PPP1R16A: variants seen among roughly 807,000 people sequenced by gnomAD.
PPP1R16A encodes myosin phosphatase-targeting subunit 3.
A neutral mutation model predicts 46.6 loss-of-function variants in PPP1R16A; 39 were observed. That is an observed-to-expected ratio of 0.84 (90% CI 0.65 to 1.09). The LOEUF (loss-of-function observed/expected upper bound fraction) is 1.09. Among genes scored for constraint, PPP1R16A ranks in the 50% least tolerant of loss-of-function variants. The probability of loss-of-function intolerance (pLI) is 0.00; values close to 1 mark genes in which losing one functional copy is unlikely to be tolerated. For synonymous variants in PPP1R16A, 413 were observed against 321.5 expected (o/e 1.28, Z -3.04); for missense variants, 798 against 735.6 (o/e 1.08, Z -0.98).
chr8:144,484,902 G>A (rs1825579361), intron 1 of PPP1R16A, among the ~76,000 whole-genome samples: 2 of 152,170 alleles, frequency 1.3e-5, no homozygotes, highest in South Asian at 2.1e-4. Flanking sequence ...AAAAAATAGT[G>A]GAATAGTTTC....
At chr8:144,494,282 T>C (rs1825947237) in intron 2 of PPP1R16A, among the ~76,000 whole-genome samples, 1 of 151,532 alleles carries the variant, frequency 6.6e-6, no homozygotes, top group African/African-American at 2.4e-5. Context: ...GATCTTTTGT[T>C]CTGTAAGATG....
chr8:144,480,446 C>T (rs1231974474), intron 1 of PPP1R16A, among the ~76,000 whole-genome samples: 2 of 152,122 alleles, frequency 1.3e-5, no homozygotes, highest in Non-Finnish European at 2.9e-5. Flanking sequence ...TCCCCAGTAG[C>T]TGGGATTACA....
chr8:144,488,133 T>C (rs1303935746), intron 1 of PPP1R16A, among the ~76,000 whole-genome samples: 1 of 152,128 alleles, frequency 6.6e-6, no homozygotes, highest in Non-Finnish European at 1.5e-5. Flanking sequence ...CCAGGGAATT[T>C]GCTTTGGGAG....
chr8:144,500,927 G>C lies in PPP1R16A; in HGVS notation c.993G>C (p.Gln331His), dbSNP rs1208924267. ...CCCTCCTGCGCGCCCAGAGCCGCCAGCGCTCCTTGCTGCGCCGCCGCACCT... is the reference window on the plus strand; with the variant it reads ...CCCTCCTGCGCGCCCAGAGCCGCCACCGCTCCTTGCTGCGCCGCCGCACCT... ...HDALLRAQSR[Q>H]RSLLRRRTSS... Residue 331 changes from glutamine to histidine, a missense_variant, in exon 10 of 12, where the codon CAG (glutamine) becomes CAC (histidine). Coordinates refer to ENST00000435887, the MANE Select transcript of PPP1R16A (RefSeq NM_001329443.2). 6.6e-7 allele frequency: 1 copy of C among 1,523,928 alleles called. No homozygotes were observed. Among genetic ancestry groups the C allele is most frequent in the Non-Finnish European group, 8.8e-7 (1 of 1,139,994 alleles). 94.4% of individuals were successfully genotyped at this position (1,523,928 alleles called of 1,614,324 possible).
chr8:144,501,432 C>T (rs1302006535), intron 11 of PPP1R16A, 88 bp from the exon 12 acceptor site: 12 of 1,480,474 alleles, frequency 8.1e-6, no homozygotes, highest in Middle Eastern at 3.7e-4. Context: ...TCTCTCCTGT[C>T]TGTCCCTTCA....
At chr8:144,482,847 C>T (rs895743013) in intron 1 of PPP1R16A, among the ~76,000 whole-genome samples, 26 of 152,128 alleles carry the variant, frequency 1.7e-4, no homozygotes, top group African/African-American at 5.1e-4. Flanking sequence ...CGGGTTTCAC[C>T]ATGTTGGCCA....
At position 144,501,781 on chromosome 8, in the gene PPP1R16A, G is replaced by A; in HGVS notation, c.1465G>A (p.Asp489Asn). ...GACAGCTGAGCCTGGCCTGCCTGGT[G>A]ACACGGTGACCCCCCAGCCTGACTG... ...PETAEPGLPG[D>N]TVTPQPDCGF... The change falls in exon 12 of 12, where the codon GAC (aspartate) becomes AAC (asparagine). Residue 489 changes from aspartate to asparagine, a missense_variant. Coordinates refer to ENST00000435887, the MANE Select transcript of PPP1R16A (RefSeq NM_001329443.2). 1 of 1,561,398 alleles carries A rather than the reference G, an allele frequency of 6.4e-7. No homozygotes were observed. The highest frequency in any genetic ancestry group is 8.7e-7 in the Non-Finnish European group (1 of 1,153,798).
At chr8:144,492,556 C>T (rs964295086) in intron 2 of PPP1R16A, among the ~76,000 whole-genome samples, 4 of 152,072 alleles carry the variant, frequency 2.6e-5, no homozygotes, top group African/African-American at 9.7e-5. Flanking sequence ...AGGATGGTCT[C>T]GATCTCCTGA....
At chr8:144,492,736 T>A (rs1825869353) in intron 2 of PPP1R16A, among the ~76,000 whole-genome samples, 1 of 152,162 alleles carries the variant, frequency 6.6e-6, no homozygotes, top group African/African-American at 2.4e-5. Context: ...GCTCCGCCTG[T>A]AGAAGCAAGT....
At chr8:144,481,426 T>C (rs1030860926) in intron 1 of PPP1R16A, among the ~76,000 whole-genome samples, 2 of 151,648 alleles carry the variant, frequency 1.3e-5, no homozygotes, top group Non-Finnish European at 2.9e-5. Flanking sequence ...GTGGATCATC[T>C]GAGGTTGGGA....
At chr8:144,498,109 C>T (rs752561163) in intron 3 of PPP1R16A, 37 of 455,928 alleles carry the variant, frequency 8.1e-5, no homozygotes, top group Admixed American at 7.7e-4. Context: ...AAAGAGGAGC[C>T]GGCAGTGTCT....
chr8:144,499,476 G>A (rs372173517), intron 5 of PPP1R16A: 84 of 205,318 alleles, frequency 4.1e-4, no homozygotes, highest in African/African-American at 1.9e-3. Flanking sequence ...GGAACTCTGA[G>A]CAGGGAGGGT....
intron 1 of PPP1R16A, among the ~76,000 whole-genome samples, chr8:144,486,766 G>A (rs114396798): frequency 1.1e-3 from 171 of 152,212 alleles, no homozygotes; most frequent in African/African-American, 3.9e-3. Context: ...TTTGTTCTGT[G>A]TGTGGTCTGT....
At chr8:144,491,791 G>A (rs1048892002) in intron 2 of PPP1R16A, among the ~76,000 whole-genome samples, 1 of 151,412 alleles carries the variant, frequency 6.6e-6, no homozygotes, top group African/African-American at 2.4e-5. Context: ...AGTTAGCCGG[G>A]TGTGGTGGTG....
rs891713442 is a variant in PPP1R16A, at chr8:144,477,990, C to T, written c.-1051C>T. ...CACCGCGGCTTCCGGCTATGGGTAC[C>T]GCGGGCCGGAAGTGTAGCGTTGCCA... On this transcript the variant is annotated 5_prime_UTR_variant, in exon 1 of 12. Coordinates refer to ENST00000435887, the MANE Select transcript of PPP1R16A (RefSeq NM_001329443.2). The T allele has an allele frequency of 2.5e-6, 1 of 392,902 alleles. No individual in the cohort carries two copies. The highest frequency in any genetic ancestry group is 2.1e-5 in the African/African-American group (1 of 48,472). The allele number at this position is 392,902 out of a possible 1,614,324, so 24.3% of individuals were successfully genotyped here. A position where few individuals can be genotyped will look rare whatever the true frequency, so the allele number is the denominator to read the frequency against.
chr8:144,490,833 T>C (rs1586745092), intron 2 of PPP1R16A, among the ~76,000 whole-genome samples: 2 of 151,984 alleles, frequency 1.3e-5, no homozygotes, highest in South Asian at 4.2e-4. Flanking sequence ...GGCAGGAGGG[T>C]CGCGTCAGCC....
At chr8:144,492,483 C>A (rs955684630) in intron 2 of PPP1R16A, among the ~76,000 whole-genome samples, 1 of 151,978 alleles carries the variant, frequency 6.6e-6, no homozygotes, top group African/African-American at 2.4e-5. Flanking sequence ...CTACAGGCGC[C>A]TGCCACCCCA....
Position 144,478,044 on chromosome 8 carries a change from C to T in PPP1R16A, c.-997C>T, listed in dbSNP as rs992019681. On this transcript the variant is annotated 5_prime_UTR_variant, in exon 1 of 12. Coordinates refer to ENST00000435887, the MANE Select transcript of PPP1R16A (RefSeq NM_001329443.2). The stretch of plus-strand genomic sequence containing the variant: ...CGAGGGCCGGGTGCGGGGCCCGCCC[C>T]CGCAGCGCCTCAGGGAGCGCGGGGC... The T allele has an allele frequency of 8.4e-5, 33 of 394,770 alleles. No homozygotes were observed. In the Admixed American group the frequency reaches 1.2e-3, roughly 14 times the overall value. 24.5% of individuals were successfully genotyped at this position (394,770 alleles called of 1,614,324 possible).
chr8:144,499,428 G>A (rs867946992), intron 5 of PPP1R16A: 1 of 286,614 alleles, frequency 3.5e-6, no homozygotes, highest in African/African-American at 2.2e-5. Flanking sequence ...AGCACAGGTA[G>A]GGCCTTTACC....
Sources: gnomAD v4.1 joint callset for allele counts (sites outside exome capture counted in the v4.1 genomes callset) on GRCh38, gnomAD v4.1.1 for gene constraint, MANE v1.5 for transcripts, NCBI Gene and HGNC (gene_info 2026-07-23, HGNC 2026-07-21) for gene names.